The following AP2A2 variants were observed in gnomAD, a reference collection of about 807,000 sequenced individuals.
AP2A2 encodes the protein adaptor related protein complex 2 subunit alpha 2, also known as AP-2 complex subunit alpha-2.
AP2A2 carries 32 observed loss-of-function variants against 104.2 expected under a neutral mutation model. The observed-to-expected ratio is 0.31, with a 90% CI of 0.23 to 0.41. The LOEUF (loss-of-function observed/expected upper bound fraction) is 0.41. Among genes scored for constraint, AP2A2 ranks in the 10% least tolerant of loss-of-function variants. The probability of loss-of-function intolerance (pLI) is 1.00; values close to 1 mark genes in which losing one functional copy is unlikely to be tolerated. For missense variants in AP2A2, 912 were observed against 1,261.0 expected (o/e 0.72, Z 4.19); for synonymous variants, 539 against 533.3 (o/e 1.01, Z -0.15).
intron 2 of AP2A2, among the ~76,000 whole-genome samples, chr11:965,240 C>T (rs12224334): frequency 0.39 from 48,111 of 123,222 alleles, 5,969 homozygotes; most frequent in Admixed American, 0.52. Flanking sequence ...ATGGAACGGG[C>T]GGGAAATTAA....
At position 972,226 on chromosome 11, in the gene AP2A2, C is replaced by T. The variant is rs777134957; in HGVS notation, c.444C>T (p.Ala148=). 3.9e-5 allele frequency: 62 copies of T among 1,606,956 alleles called. No individual in the cohort carries two copies. The highest frequency in any genetic ancestry group is 1.3e-4 in the Admixed American group (8 of 59,532). The part of the protein sequence containing the change: ...VGSREMAEAF[A]GEIPKVLVAG... ...GCCGGGAGATGGCCGAGGCCTTCGC[C>T]GGGGAGATCCCTAAGGTCCTCGTAG... Residue 148 remains alanine (A), a synonymous_variant, in exon 4 of 22, where the codon GCC becomes GCT. Transcript: ENST00000448903.
chr11:972,185 A>G lies in AP2A2; in HGVS notation c.403A>G (p.Ile135Val). ...PTFMGLALHC[I>V]ASVGSREMAE... ...CTTCATGGGCCTGGCCCTGCACTGC[A>G]TCGCCAGCGTGGGCAGCCGGGAGAT... The change falls in exon 4 of 22, where the codon ATC becomes GTC. Residue 135 changes from isoleucine (I) to valine (V), a missense_variant. Transcript: ENST00000448903. 6.2e-7 allele frequency: 1 copy of G among 1,612,740 alleles called. No individual in the cohort carries two copies.
Position 992,730 on chromosome 11 carries a change from G to C in AP2A2, c.1452+45G>C. ...AGGAAGGATGGGGTGGAGGGCAGTTGCAGAAGGTGAGCAGTGAGTGGTTCC... is the reference window on the plus strand; with the variant it reads ...AGGAAGGATGGGGTGGAGGGCAGTTCCAGAAGGTGAGCAGTGAGTGGTTCC... On this transcript the variant is annotated intron_variant, in intron 11 of 21. Coordinates refer to ENST00000448903, the MANE Select transcript of AP2A2 (RefSeq NM_012305.4). The surrounding 1 kb of genome is among the most constrained non-coding windows in gnomAD (Gnocchi z 6.4). 2 of 1,608,806 alleles carry C rather than the reference G, an allele frequency of 1.2e-6. No homozygotes were observed. The highest frequency in any genetic ancestry group is 2.2e-5 in the South Asian group (2 of 90,836).
chr11:970,613 C>T (rs2134620655), intron 3 of AP2A2, among the ~76,000 whole-genome samples: 1 of 152,398 alleles, frequency 6.6e-6, no homozygotes, highest in South Asian at 2.1e-4. Context: ...TCTTTGCAAC[C>T]TCCCTTACGG....
chr11:934,947 C>A (rs557396772), intron 1 of AP2A2, among the ~76,000 whole-genome samples: 1 of 151,796 alleles, frequency 6.6e-6, no homozygotes, highest in Non-Finnish European at 1.5e-5. Context: ...CAGCCTCTGT[C>A]TCCTGGGTTC....
At chr11:959,980 G>A (rs962054648) in intron 2 of AP2A2, among the ~76,000 whole-genome samples, 14 of 152,168 alleles carry the variant, frequency 9.2e-5, no homozygotes, top group Admixed American at 1.3e-4. Flanking sequence ...TTCAGCCCTT[G>A]GGACATTTTT....
chr11:953,253 C>T (rs1030311022), intron 1 of AP2A2, among the ~76,000 whole-genome samples: 2 of 151,532 alleles, frequency 1.3e-5, no homozygotes, highest in Non-Finnish European at 2.9e-5. Context: ...CAACCTCTGC[C>T]TCTCGGGTTC....
rs575139156 is a variant in AP2A2, at chr11:945,133, C to T, written c.68-14304C>T. Among the ~76,000 whole-genome samples, 8 of 152,056 alleles carry T rather than the reference C, an allele frequency of 5.3e-5. 1 individual carries two copies. The highest frequency in any genetic ancestry group is 2.1e-4 in the South Asian group (1 of 4,814). On this transcript the variant is annotated intron_variant, in intron 1 of 21. Transcript: ENST00000448903. ...ATGGTCTGGAAAGGGTGGGCAGTCCCGTGTGCCACGCTGCAGAGAGGCATG... is the reference window on the plus strand; with the variant it reads ...ATGGTCTGGAAAGGGTGGGCAGTCCTGTGTGCCACGCTGCAGAGAGGCATG...
chr11:989,835 C>T (rs1855587304), intron 10 of AP2A2, among the ~76,000 whole-genome samples: 1 of 152,204 alleles, frequency 6.6e-6, no homozygotes, highest in African/African-American at 2.4e-5. Flanking sequence ...GTGGGGTTCG[C>T]CACTGTGACC....
intron 3 of AP2A2, among the ~76,000 whole-genome samples, 179 bp downstream of exon 3, chr11:970,490 C>A (rs7396059): frequency 0.51 from 76,974 of 152,112 alleles, 20,106 homozygotes; most frequent in Middle Eastern, 0.66. Flanking sequence ...CAACACCCTG[C>A]GGGCCCCCTT....
chr11:929,209 G>C (rs1020316287), intron 1 of AP2A2, among the ~76,000 whole-genome samples: 1 of 152,350 alleles, frequency 6.6e-6, no homozygotes, highest in South Asian at 2.1e-4. Flanking sequence ...GTCACAGGCA[G>C]AGGGGTCCCC....
chr11:935,996 G>T (rs1322627165), intron 1 of AP2A2, among the ~76,000 whole-genome samples: 4 of 151,322 alleles, frequency 2.6e-5, no homozygotes, highest in African/African-American at 9.7e-5. Context: ...CTGCCTCCTG[G>T]GTTCATGCCA....
intron 16 of AP2A2, 131 bp from the exon 17 acceptor site, chr11:1,006,397 A>G: frequency 2.9e-6 from 2 of 691,014 alleles, no homozygotes; most frequent in South Asian, 3.8e-5. Context: ...CTTAATTTTA[A>G]CAACAGTCAT....
rs1488576838 is a variant in AP2A2 at position 993,836 on chromosome 11, A to G, written c.1633A>G (p.Ile545Val). 5.6e-6 allele frequency: 9 copies of G among 1,609,240 alleles called. No homozygotes were observed. In the South Asian group the frequency reaches 8.8e-5, roughly 16 times the overall value. The change falls in exon 13 of 22, where the codon ATC (isoleucine) becomes GTC (valine). Residue 545 changes from isoleucine (I) to valine (V), a missense_variant. Physicochemically the swap from Ile to Val is conservative, Grantham distance 29. Coordinates refer to ENST00000448903, the MANE Select transcript of AP2A2 (RefSeq NM_012305.4). The surrounding 1 kb of genome is among the most constrained non-coding windows in gnomAD (Gnocchi z 8.2). ...CCGCGCGCTGCTCCTGTCCACCTAC[A>G]TCAAGTTCGTGAACCTCTTCCCGGA... ...PTRALLLSTY[I>V]KFVNLFPEVK...
intron 6 of AP2A2, among the ~76,000 whole-genome samples, chr11:983,509 A>T (rs1855328807): frequency 6.6e-6 from 1 of 151,946 alleles, no homozygotes; most frequent in African/African-American, 2.4e-5. Flanking sequence ...CAGCCTCTCG[A>T]GTAGCTGGGA....
intron 2 of AP2A2, among the ~76,000 whole-genome samples, chr11:962,710 G>A (rs868323631): frequency 6.6e-6 from 1 of 151,950 alleles, no homozygotes; most frequent in African/African-American, 2.4e-5. Flanking sequence ...TCCAGCCTGG[G>A]AGACACAGCA....
chr11:1,006,594 T>C lies in AP2A2; in HGVS notation c.2273T>C (p.Ile758Thr), dbSNP rs1409148767. 6.2e-7 allele frequency: 1 copy of C among 1,613,552 alleles called. No homozygotes were observed. The highest frequency in any genetic ancestry group is 8.5e-7 in the Non-Finnish European group (1 of 1,179,700). The change falls in exon 17 of 22, where the codon ATC (isoleucine) becomes ACC (threonine). Residue 758 changes from isoleucine (I) to threonine (T), a missense_variant. Physicochemically the swap from Ile to Thr is moderately conservative, Grantham distance 89. Transcript: ENST00000448903. ...TTCCTAAACTTTACCCCAACACTAA[T>C]CTGTTCAGACGACCTTCAGCCTAAT... ...TQFLNFTPTL[I>T]CSDDLQPNLN...
intron 9 of AP2A2, among the ~76,000 whole-genome samples, chr11:987,381 G>A (rs543003943): frequency 6.6e-6 from 1 of 152,322 alleles, no homozygotes; most frequent in East Asian, 1.9e-4. Flanking sequence ...CGGGCGCGGT[G>A]GCTGACGCCT....
In AP2A2 at chr11:993,747, T is replaced by G; in HGVS notation, c.1551-7T>G. Reference sequence around the variant, plus strand: ...GGTGTCCCTGTGTTGTGCCTCCCCGTCCCCAGCCCGCTGATCCAGTTCCAC... The same window carrying G: ...GGTGTCCCTGTGTTGTGCCTCCCCGGCCCCAGCCCGCTGATCCAGTTCCAC... On this transcript the variant is annotated splice_region_variant and splice_polypyrimidine_tract_variant and intron_variant, in intron 12 of 21. Transcript: ENST00000448903. The surrounding 1 kb of genome is among the most constrained non-coding windows in gnomAD (Gnocchi z 8.2). 2 of 1,580,750 alleles carry G rather than the reference T, an allele frequency of 1.3e-6. No individual in the cohort carries two copies. Among genetic ancestry groups the G allele is most frequent in the Non-Finnish European group, 1.7e-6 (2 of 1,166,684 alleles).
Sources: allele counts gnomAD v4.1 joint callset (sites outside exome capture counted in the v4.1 genomes callset), GRCh38; gene constraint gnomAD v4.1.1; non-coding constraint Gnocchi (gnomAD v3.1); transcripts MANE v1.5; gene names NCBI Gene and HGNC (gene_info 2026-07-23, HGNC 2026-07-21).